CSNK1E: variants seen among roughly 807,000 people sequenced by gnomAD.
The protein encoded by CSNK1E is casein kinase 1 epsilon, also known as casein kinase I isoform epsilon.
In CSNK1E, 17 loss-of-function variants were observed where a neutral mutation model predicts 46.1. The ratio of observed to expected loss-of-function variants is 0.37; its 90% CI spans 0.25 to 0.55. The LOEUF (loss-of-function observed/expected upper bound fraction) is 0.55, where lower values mean the gene tolerates loss of function less well. Ranked by LOEUF, CSNK1E falls within the 20% of genes least tolerant of loss-of-function variation. CSNK1E has a pLI of 0.82. For synonymous variants in CSNK1E, 241 were observed against 242.6 expected (o/e 0.99, Z 0.06); for missense variants, 386 against 595.4 (o/e 0.65, Z 3.66).
At chr22:38,297,481 C>T in intron 7 of CSNK1E, 1 of 821,326 alleles carries the variant, frequency 1.2e-6, no homozygotes, top group Non-Finnish European at 1.5e-6. Context: ...GAACAAGAAA[C>T]CCAGAGAGAA....
At position 38,298,945 on chromosome 22, in the gene CSNK1E, T is replaced by C. The variant is rs1184365328; in HGVS notation, c.737-11A>G. 1 of 1,613,956 alleles carries C rather than the reference T, an allele frequency of 6.2e-7. No homozygotes were observed. The highest frequency in any genetic ancestry group is 8.5e-7 in the Non-Finnish European group (1 of 1,179,932). On this transcript the variant is annotated splice_polypyrimidine_tract_variant and intron_variant, in intron 6 of 10. Transcript: ENST00000396832. This position sits in a 1 kb window ranked among gnomAD's most constrained non-coding sequence, Gnocchi z 4.2. ...ATGTTGAGAATTCGGCTGGAGGGTG[T>C]TGCAGAGGATAGAGAAGGCCACTGT...
rs986667494 is a variant in CSNK1E at position 38,291,121 on chromosome 22, T to C, written c.*850A>G. ...CCTTCTGGAAGCAGTCTCCATGGATTCTGCCCTAAAACCAGGAATGGAAGA... is the reference window on the plus strand; with the variant it reads ...CCTTCTGGAAGCAGTCTCCATGGATCCTGCCCTAAAACCAGGAATGGAAGA... On this transcript the variant is annotated 3_prime_UTR_variant, in exon 11 of 11. Coordinates refer to ENST00000396832, the MANE Select transcript of CSNK1E (RefSeq NM_152221.3). The C allele has an allele frequency of 6.6e-6, 1 of 152,182 alleles. No homozygotes were observed. The highest frequency in any genetic ancestry group is 2.4e-5 in the African/African-American group (1 of 41,448). The allele number at this position is 152,182 out of a possible 1,614,324, so 9.4% of individuals were successfully genotyped here. A position where few individuals can be genotyped will look rare whatever the true frequency, so the allele number is the denominator to read the frequency against.
chr22:38,315,745 A>G (rs2092742164), intron 1 of CSNK1E, among the ~76,000 whole-genome samples: 1 of 151,788 alleles, frequency 6.6e-6, no homozygotes, highest in Non-Finnish European at 1.5e-5. Flanking sequence ...GGAAAGGAAC[A>G]TAAATATACC....
intron 2 of CSNK1E, among the ~76,000 whole-genome samples, chr22:38,307,609 T>C (rs886098117): frequency 3.3e-5 from 5 of 152,342 alleles, no homozygotes; most frequent in Middle Eastern, 3.4e-3. Context: ...TACAGCTTTT[T>C]ATATCAGGAA....
At chr22:38,296,830 A>T in intron 7 of CSNK1E, 1 of 987,792 alleles carries the variant, frequency 1.0e-6, no homozygotes, top group Non-Finnish European at 1.5e-6. Context: ...ACTGGAGGGC[A>T]GTGGCATGAT....
chr22:38,313,375 C>G (rs1447891810), intron 2 of CSNK1E, among the ~76,000 whole-genome samples: 1 of 152,252 alleles, frequency 6.6e-6, no homozygotes, highest in Non-Finnish European at 1.5e-5. Context: ...AATACCTTCC[C>G]TTTGGACCAA....
rs545918452 is a variant in CSNK1E, at chr22:38,298,157, G to A, written c.885+629C>T. On this transcript the variant is annotated intron_variant, in intron 7 of 10. Transcript: ENST00000396832. This position sits in a 1 kb window ranked among gnomAD's most constrained non-coding sequence, Gnocchi z 4.2. ...GGGGCGGGGACAGAAAGGTCCCTTC[G>A]CTGTCATGGGGCTGTCACGGGGCTG... 92 of 1,301,336 alleles carry A rather than the reference G, an allele frequency of 7.1e-5. No homozygotes were observed. The highest frequency in any genetic ancestry group is 1.7e-4 in the East Asian group (3 of 18,000). 80.6% of individuals were successfully genotyped at this position (1,301,336 alleles called of 1,614,324 possible).
In CSNK1E at chr22:38,294,527, G is replaced by T; in HGVS notation, c.893C>A (p.Ala298Asp). The change falls in exon 8 of 11, where the codon GCC (alanine) becomes GAC (aspartate). Residue 298 changes from alanine to aspartate, a missense_variant. Ala to Asp is a moderately radical substitution (Grantham distance 126). Around this residue, in one of 2 missense-constraint regions of CSNK1E, gnomAD observed 174 missense variants for 185.2 expected, o/e 0.94. Coordinates refer to ENST00000396832, the MANE Select transcript of CSNK1E (RefSeq NM_152221.3). The surrounding 1 kb of genome is among the most constrained non-coding windows in gnomAD (Gnocchi z 5.5). ...FDWNMLKFGA[A>D]RNPEDVDRER... Reference sequence around the variant, plus strand: ...CCGGTCCACATCCTCGGGATTCCGGGCTGCACCCTGCAGGGATGCAAGAAA... The same window carrying T: ...CCGGTCCACATCCTCGGGATTCCGGTCTGCACCCTGCAGGGATGCAAGAAA... 6.3e-7 allele frequency: 1 copy of T among 1,587,560 alleles called. No individual in the cohort carries two copies. Among genetic ancestry groups the T allele is most frequent in the East Asian group, 2.3e-5 (1 of 43,116 alleles).
At chr22:38,293,656 C>T (rs542426707) in intron 9 of CSNK1E, among the ~76,000 whole-genome samples, 1 of 152,248 alleles carries the variant, frequency 6.6e-6, no homozygotes, top group Non-Finnish European at 1.5e-5. Flanking sequence ...GCCAGGCCAC[C>T]TGCCCTGGGC....
chr22:38,297,017 G>A (rs2092644416), intron 7 of CSNK1E: 13 of 693,110 alleles, frequency 1.9e-5, no homozygotes, highest in Admixed American at 1.2e-4. Context: ...CAAGTCATCC[G>A]CCCTCTATGG....
chr22:38,295,075 C>T (rs1323702748), intron 7 of CSNK1E, among the ~76,000 whole-genome samples: 1 of 152,232 alleles, frequency 6.6e-6, no homozygotes, highest in African/African-American at 2.4e-5. Flanking sequence ...CTCTTCTCAT[C>T]AGGGAGCTGT....
chr22:38,304,639 A>ACCT, intron 2 of CSNK1E, among the ~76,000 whole-genome samples: 1 of 152,140 alleles, frequency 6.6e-6, no homozygotes, highest in Non-Finnish European at 1.5e-5. Flanking sequence ...AGAGGAAAGG[A>ACCT]TGCCTGCTTC....
At chr22:38,313,919 C>T (rs2092732109) in intron 2 of CSNK1E, among the ~76,000 whole-genome samples, 163 bp downstream of exon 2, 1 of 152,260 alleles carries the variant, frequency 6.6e-6, no homozygotes, top group Non-Finnish European at 1.5e-5. Context: ...CCTGGCCTGC[C>T]TCCCGGCAAC....
chr22:38,311,087 C>T (rs1358760557), intron 2 of CSNK1E, among the ~76,000 whole-genome samples: 1 of 152,132 alleles, frequency 6.6e-6, no homozygotes, highest in East Asian at 1.9e-4. Context: ...ACCCAGAGGA[C>T]CCAGACCCTT....
At position 38,314,228 on chromosome 22, in the gene CSNK1E, G is replaced by C. The variant is rs1027751571; in HGVS notation, c.-12-59C>G. 1.0e-5 allele frequency: 14 copies of C among 1,366,718 alleles called. No homozygotes were observed. The African/African-American group carries it at 1.9e-4, about 18-fold the overall frequency. The allele number at this position is 1,366,718 out of a possible 1,614,324, so 84.7% of individuals were successfully genotyped here. ...CGTGGGGAGCCGGGAAAGGGGTCCA[G>C]TCCACCAAGGCCAGGCAGAGCCACC... On this transcript the variant is annotated intron_variant, in intron 1 of 10. Coordinates refer to ENST00000396832, the MANE Select transcript of CSNK1E (RefSeq NM_152221.3).
chr22:38,306,427 T>C (rs1291520658), intron 2 of CSNK1E, among the ~76,000 whole-genome samples: 47 of 152,212 alleles, frequency 3.1e-4, no homozygotes, highest in Non-Finnish European at 1.5e-5. Flanking sequence ...GCGCAGCCAT[T>C]ACCACAATCA....
chr22:38,294,523 C>T lies in CSNK1E; in HGVS notation c.897G>A (p.Arg299=). The change falls in exon 8 of 11, where the codon CGG becomes CGA. Residue 299 remains arginine, a synonymous_variant. Transcript: ENST00000396832. The surrounding 1 kb of genome is among the most constrained non-coding windows in gnomAD (Gnocchi z 5.5). ...GCTCCCGGTCCACATCCTCGGGATT[C>T]CGGGCTGCACCCTGCAGGGATGCAA... ...DWNMLKFGAA[R]NPEDVDRERR... is the part of the protein sequence containing the mutation. 1 of 1,590,296 alleles carries T rather than the reference C, an allele frequency of 6.3e-7. No homozygotes were observed. The highest frequency in any genetic ancestry group is 8.6e-7 in the Non-Finnish European group (1 of 1,169,572).
rs1466101378 is a variant in CSNK1E at position 38,309,057 on chromosome 22, T to C, written c.76+5025A>G. 6.6e-6 allele frequency among the ~76,000 whole-genome samples: 1 copy of C among 152,222 alleles called. No homozygotes were observed. Among genetic ancestry groups the C allele is most frequent in the Non-Finnish European group, 1.5e-5 (1 of 68,050 alleles). ...CTGGTTGTGGGGCTGCCCTGGGCAC[T>C]GCACAGTCTAACAGCACCCATGACT... On this transcript the variant is annotated intron_variant, in intron 2 of 10. Transcript: ENST00000396832. This position sits in a 1 kb window ranked among gnomAD's most constrained non-coding sequence, Gnocchi z 4.8.
chr22:38,307,482 C>T (rs1347212038), intron 2 of CSNK1E, among the ~76,000 whole-genome samples: 4 of 151,070 alleles, frequency 2.6e-5, no homozygotes, highest in Non-Finnish European at 5.9e-5. Flanking sequence ...ACCTGGGAGG[C>T]GGAGGTTGCA....
Sources: allele counts gnomAD v4.1 joint callset (sites outside exome capture counted in the v4.1 genomes callset), GRCh38; gene constraint gnomAD v4.1.1; regional missense constraint gnomAD v4.1.1; non-coding constraint Gnocchi (gnomAD v3.1); transcripts MANE v1.5; gene names NCBI Gene and HGNC (gene_info 2026-07-23, HGNC 2026-07-21).